The following RBM43 variants were observed in gnomAD, a reference collection of about 807,000 sequenced individuals.
RBM43 encodes the protein RNA binding motif protein 43.
A neutral mutation model predicts 12.4 loss-of-function variants in RBM43; 12 were observed. The ratio of observed to expected loss-of-function variants is 0.97; its 90% confidence interval spans 0.62 to 1.57. The LOEUF is 1.57. RBM43 is among the 40% of genes most tolerant of loss of function. The probability of loss-of-function intolerance (pLI) is 0.00; values close to 1 mark genes in which losing one functional copy is unlikely to be tolerated. For missense variants in RBM43, 348 were observed against 400.1 expected, an observed-to-expected ratio of 0.87 and a Z score of 1.11; for synonymous variants, 138 against 145.7, an observed-to-expected ratio of 0.95 and a Z score of 0.38.
At chr2:151,261,349 C>CGCTGTT (rs780282692) in intron 1 of RBM43, 25 of 1,550,514 alleles carry the variant, frequency 1.6e-5, no homozygotes, top group Admixed American at 2.0e-5. Flanking sequence ...GGGAGGACAA[C>CGCTGTT]AGTTAAGCCC....
chr2:151,251,676 AAG>A lies in RBM43; in HGVS notation c.316-14_316-13del, dbSNP rs1558868731. 3.1e-6 allele frequency: 5 copies of A among 1,598,756 alleles called. No individual in the cohort carries two copies. The Admixed American group carries it at 8.9e-5, about 28-fold the overall frequency. ...ACAGAGCTGAAGATCTGAAATTAAA[AAG>A]AGAGAAATGAAAACAGTACTGCCTA... On this transcript the variant is annotated splice_polypyrimidine_tract_variant and intron_variant, in intron 3 of 3. Coordinates refer to ENST00000331426, the MANE Select transcript of RBM43 (RefSeq NM_198557.3).
At position 151,250,869 on chromosome 2, in the gene RBM43, A is replaced by G; in HGVS notation, c.*37T>C. ...ATGGCAATGGTCACTGCTCAGCAAG[A>G]GAAAGCAGCCCTTATGACTATATTG... On this transcript the variant is annotated 3_prime_UTR_variant, in exon 4 of 4. Coordinates refer to ENST00000331426, the MANE Select transcript of RBM43 (RefSeq NM_198557.3). 1.3e-6 allele frequency: 2 copies of G among 1,487,512 alleles called. No homozygotes were observed. Among genetic ancestry groups the G allele is most frequent in the South Asian group, 2.7e-5 (2 of 75,332 alleles). The allele number at this position is 1,487,512 out of a possible 1,614,324, so 92.1% of individuals were successfully genotyped here. A position where few individuals can be genotyped will look rare whatever the true frequency, so the allele number is the denominator to read the frequency against.
intron 3 of RBM43, 111 bp downstream of exon 3, chr2:151,252,644 C>T (rs1296671787): frequency 1.6e-5 from 10 of 607,610 alleles, no homozygotes; most frequent in African/African-American, 3.6e-5. Context: ...TTTGCATTTT[C>T]CTTCCTAGAA....
chr2:151,251,592 T>A lies in RBM43; in HGVS notation c.388A>T (p.Lys130Ter), dbSNP rs1336253077. 6.2e-7 allele frequency: 1 copy of A among 1,613,894 alleles called. No homozygotes were observed. Among genetic ancestry groups the A allele is most frequent in the African/African-American group, 1.3e-5 (1 of 74,920 alleles). ...CTCGGGATTTTTTTTTTCAGGTCTT[T>A]TACCAGAGTTTCTAGAGTAACTTCT... ...GKEVTLETLVKDLKKKIPSLS... is the reference protein window; with the variant it reads ...GKEVTLETLV The change falls in exon 4 of 4, where the codon AAA (lysine) becomes TAA (stop). Residue 130 changes from lysine to a stop codon, truncating the protein, a stop_gained. Coordinates refer to ENST00000331426, the MANE Select transcript of RBM43 (RefSeq NM_198557.3). LOFTEE classifies it low-confidence loss of function (END_TRUNC).
intron 1 of RBM43, chr2:151,261,133 A>T: frequency 8.5e-7 from 1 of 1,183,406 alleles, no homozygotes; most frequent in Non-Finnish European, 1.2e-6. Context: ...CAAGGCTTTT[A>T]AGCGATTGAT....
At position 151,255,715 on chromosome 2, in the gene RBM43, T is replaced by C. The variant is rs1488803916; in HGVS notation, c.32A>G (p.Lys11Arg). 1.2e-6 allele frequency: 2 copies of C among 1,613,834 alleles called. No homozygotes were observed. Among genetic ancestry groups the C allele is most frequent in the South Asian group, 1.1e-5 (1 of 91,076 alleles). MASVLNVKES[K>R]APERTVVVAG... ...AACTACAACCGTTCTTTCAGGAGCT[T>C]TGGATTCCTTGACATTCAAAACTGA... Residue 11 changes from lysine (K) to arginine (R), a missense_variant, in exon 2 of 4, where the codon AAA (lysine) becomes AGA (arginine). By Grantham distance (26) the Lys-to-Arg change is conservative. Coordinates refer to ENST00000331426, the MANE Select transcript of RBM43 (RefSeq NM_198557.3).
At chr2:151,256,853 A>G (rs1241146142) in intron 1 of RBM43, among the ~76,000 whole-genome samples, 1 of 152,130 alleles carries the variant, frequency 6.6e-6, no homozygotes, top group Non-Finnish European at 1.5e-5. Flanking sequence ...ACCCCTGGCA[A>G]GAACATGGGG....
Position 151,255,718 on chromosome 2 carries a change from G to A in RBM43, c.29C>T (p.Ser10Phe). The A allele has an allele frequency of 6.2e-7, 1 of 1,613,572 alleles. No homozygotes were observed. The highest frequency in any genetic ancestry group is 8.5e-7 in the Non-Finnish European group (1 of 1,179,660). ...TACAACCGTTCTTTCAGGAGCTTTGGATTCCTTGACATTCAAAACTGATGC... is the reference window on the plus strand; with the variant it reads ...TACAACCGTTCTTTCAGGAGCTTTGAATTCCTTGACATTCAAAACTGATGC... MASVLNVKE[S>F]KAPERTVVVA... The change falls in exon 2 of 4, where the codon TCC (serine) becomes TTC (phenylalanine). Residue 10 changes from serine (S) to phenylalanine (F), a missense_variant. Ser to Phe is a radical substitution (Grantham distance 155). Coordinates refer to ENST00000331426, the MANE Select transcript of RBM43 (RefSeq NM_198557.3).
At position 151,250,625 on chromosome 2, in the gene RBM43, A is replaced by C; in HGVS notation, c.*281T>G. 1 of 213,912 alleles carries C rather than the reference A, an allele frequency of 4.7e-6. No homozygotes were observed. The highest frequency in any genetic ancestry group is 9.0e-6 in the Non-Finnish European group (1 of 110,820). The allele number at this position is 213,912 out of a possible 1,614,324, so 13.3% of individuals were successfully genotyped here. A position where few individuals can be genotyped will look rare whatever the true frequency, so the allele number is the denominator to read the frequency against. On this transcript the variant is annotated 3_prime_UTR_variant, in exon 4 of 4. Coordinates refer to ENST00000331426, the MANE Select transcript of RBM43 (RefSeq NM_198557.3). ...AAAAAAAAAAAAAAAAAGTTTGGTG[A>C]GTTTTTTTCAAAGTTTTATTCCTTA...
chr2:151,257,317 CACACACACACACACAA>C (rs1249549033), intron 1 of RBM43, among the ~76,000 whole-genome samples: 1 of 151,564 alleles, frequency 6.6e-6, no homozygotes, highest in African/African-American at 2.4e-5. Context: ...CACAAACACA[CACACACACACACACAA>C]ACACACACAC....
intron 1 of RBM43, among the ~76,000 whole-genome samples, chr2:151,257,329 C>CAA (rs1356652680): frequency 1.5e-4 from 23 of 149,212 alleles, no homozygotes; most frequent in African/African-American, 5.6e-4. Context: ...CACACACACA[C>CAA]ACAAACACAC....
chr2:151,255,994 C>G (rs553157769), intron 1 of RBM43, among the ~76,000 whole-genome samples: 1 of 152,230 alleles, frequency 6.6e-6, no homozygotes, highest in East Asian at 1.9e-4. Context: ...TGGAGTCTCA[C>G]TCTGTCACCC....
rs1682925102 is a variant in RBM43 at position 151,252,981 on chromosome 2, C to T, written c.215-126G>A. 5 of 538,806 alleles carry T rather than the reference C, an allele frequency of 9.3e-6. No individual in the cohort carries two copies. In the East Asian group the frequency reaches 1.4e-4, roughly 15 times the overall value. The allele number at this position is 538,806 out of a possible 1,614,324, so 33.4% of individuals were successfully genotyped here. On this transcript the variant is annotated intron_variant, in intron 2 of 3. Transcript: ENST00000331426. The stretch of plus-strand genomic sequence containing the variant: ...TTTTTCTACATTTTTCCTCTAAATT[C>T]AACATTCAAATCACTTTTTTGTTGC...
rs542837582 is a variant in RBM43, at chr2:151,255,405, G to A, written c.214+128C>T. On this transcript the variant is annotated intron_variant, in intron 2 of 3. Coordinates refer to ENST00000331426, the MANE Select transcript of RBM43 (RefSeq NM_198557.3). ...CGCACTCTAACCTGGGCAACAGAGT[G>A]AGACTGTGTCTCAAAAAAAAAACTA... is the stretch of plus-strand genomic sequence containing the variant. The A allele has an allele frequency of 3.4e-5, 21 of 609,340 alleles. No homozygotes were observed. In the East Asian group the frequency reaches 6.6e-4, roughly 19 times the overall value. The allele number at this position is 609,340 out of a possible 1,614,324, so 37.7% of individuals were successfully genotyped here. A position where few individuals can be genotyped will look rare whatever the true frequency, so the allele number is the denominator to read the frequency against.
In RBM43 at chr2:151,261,815, T is replaced by G; in HGVS notation, c.-88A>C. The stretch of plus-strand genomic sequence containing the variant: ...TGGGGAGAGGAGCGAGCAGGCAGGT[T>G]TTGGTTTCGTTTTTTGTTCCAGCTC... On this transcript the variant is annotated 5_prime_UTR_variant, in exon 1 of 4. Transcript: ENST00000331426. 10 of 1,431,064 alleles carry G rather than the reference T, an allele frequency of 7.0e-6. No individual in the cohort carries two copies. The highest frequency in any genetic ancestry group is 1.8e-4 in the Middle Eastern group (1 of 5,708). 88.6% of individuals were successfully genotyped at this position (1,431,064 alleles called of 1,614,324 possible). A position where few individuals can be genotyped will look rare whatever the true frequency, so the allele number is the denominator to read the frequency against.
In RBM43 at chr2:151,248,090, T is replaced by A. The variant is rs1334360060; in HGVS notation, c.*2816A>T. Reference sequence around the variant, plus strand: ...TAAGCTTTTTTAATAGGCAATCTTATAAAGGCTGTAAATCAAATTTGGGAT... The same window carrying A: ...TAAGCTTTTTTAATAGGCAATCTTAAAAAGGCTGTAAATCAAATTTGGGAT... On this transcript the variant is annotated 3_prime_UTR_variant, in exon 4 of 4. Transcript: ENST00000331426. The A allele has an allele frequency of 2.6e-5, 4 of 152,172 alleles. No homozygotes were observed. The highest frequency in any genetic ancestry group is 5.9e-5 in the Non-Finnish European group (4 of 68,002). The allele number at this position is 152,172 out of a possible 1,614,324, so 9.4% of individuals were successfully genotyped here.
At chr2:151,258,529 C>CT (rs1683004342) in intron 1 of RBM43, among the ~76,000 whole-genome samples, 1 of 151,782 alleles carries the variant, frequency 6.6e-6, no homozygotes, top group East Asian at 2.0e-4. Flanking sequence ...AACCTAGTCT[C>CT]TATCAAAAAC....
chr2:151,259,703 C>T (rs1215340927), intron 1 of RBM43, among the ~76,000 whole-genome samples: 2 of 152,112 alleles, frequency 1.3e-5, no homozygotes, highest in East Asian at 3.9e-4. Flanking sequence ...AAATGCTCAA[C>T]CCTGTCAATG....
chr2:151,261,480 G>C (rs533868794), intron 1 of RBM43: 1 of 1,550,314 alleles, frequency 6.5e-7, no homozygotes, highest in Non-Finnish European at 8.7e-7. Context: ...ACCGCCGTAC[G>C]TGAATTTCAG....
Sources: allele counts gnomAD v4.1 joint callset (sites outside exome capture counted in the v4.1 genomes callset), GRCh38; gene constraint gnomAD v4.1.1; transcripts MANE v1.5; gene names NCBI Gene and HGNC (gene_info 2026-07-23, HGNC 2026-07-21).